Variants in ADCY2 observed in about 807,000 individuals in gnomAD.
ADCY2 encodes the protein adenylate cyclase type 2.
ADCY2 carries 31 observed loss-of-function variants against 125.2 expected under a neutral mutation model. That is an observed-to-expected ratio of 0.25 (90% CI 0.19 to 0.33). ADCY2 has a LOEUF of 0.33. ADCY2 is among the 10% of genes least tolerant of loss of function. ADCY2 has a pLI of 1.00. For missense variants in ADCY2, 904 were observed against 1,418.2 expected (o/e 0.64, Z 5.82); for synonymous variants, 512 against 548.4 (o/e 0.93, Z 0.93).
chr5:7,415,151 C>G (rs1739889870), intron 2 of ADCY2, among the ~76,000 whole-genome samples: 1 of 152,168 alleles, frequency 6.6e-6, no homozygotes, highest in Non-Finnish European at 1.5e-5. Context: ...AAAATCTACT[C>G]TTTAAGCAAT....
chr5:7,446,897 C>A (rs1402901284), intron 2 of ADCY2, among the ~76,000 whole-genome samples: 1 of 152,178 alleles, frequency 6.6e-6, no homozygotes, highest in Non-Finnish European at 1.5e-5. Flanking sequence ...TGTTCTTCTA[C>A]AATACCTCTT....
intron 4 of ADCY2, among the ~76,000 whole-genome samples, chr5:7,688,867 C>T (rs542216705): frequency 2.0e-5 from 3 of 152,256 alleles, no homozygotes; most frequent in Admixed American, 1.3e-4. Flanking sequence ...GGGCACATCA[C>T]GAGTTTGATT....
rs117212202 is a variant in ADCY2, at chr5:7,647,236, T to A, written c.720+20920T>A. 5.3e-5 allele frequency among the ~76,000 whole-genome samples: 8 copies of A among 152,328 alleles called. No homozygotes were observed. In the East Asian group the frequency reaches 1.5e-3, roughly 29 times the overall value. The stretch of plus-strand genomic sequence containing the variant: ...TTGGGGTTTTGTTCTGTTTGGTTGA[T>A]TTTTAACACTCTGTGCCTCAGTTTT... On this transcript the variant is annotated intron_variant, in intron 4 of 24. Transcript: ENST00000338316.
intron 4 of ADCY2, among the ~76,000 whole-genome samples, chr5:7,636,559 A>G (rs1738511117): frequency 6.6e-6 from 1 of 152,202 alleles, no homozygotes; most frequent in South Asian, 2.1e-4. Flanking sequence ...AACTGCAAGG[A>G]GGTAGGGGGG....
chr5:7,598,814 A>G (rs1737100242), intron 3 of ADCY2, among the ~76,000 whole-genome samples: 4 of 152,198 alleles, frequency 2.6e-5, no homozygotes, highest in Admixed American at 2.6e-4. Context: ...GTGATTGTGG[A>G]CACCTGCATT....
chr5:7,616,795 G>A (rs2126649176), intron 3 of ADCY2, among the ~76,000 whole-genome samples: 1 of 152,298 alleles, frequency 6.6e-6, no homozygotes, highest in Non-Finnish European at 1.5e-5. Context: ...ACCTCAGAAT[G>A]TGACTGTATT....
chr5:7,615,501 G>T (rs780669688), intron 3 of ADCY2, among the ~76,000 whole-genome samples: 4 of 152,188 alleles, frequency 2.6e-5, no homozygotes, highest in African/African-American at 4.8e-5. Context: ...CAGAAAGGAA[G>T]TATCTGCTAC....
intron 3 of ADCY2, among the ~76,000 whole-genome samples, chr5:7,539,014 T>A (rs1734911259): frequency 6.6e-6 from 1 of 151,740 alleles, no homozygotes; most frequent in South Asian, 2.1e-4. Context: ...CAGGCACATG[T>A]CACCACACCC....
chr5:7,419,124 T>C (rs1013626753), intron 2 of ADCY2, among the ~76,000 whole-genome samples: 1 of 152,150 alleles, frequency 6.6e-6, no homozygotes, highest in African/African-American at 2.4e-5. Flanking sequence ...ATTAACAACA[T>C]AGTTGTAAAG....
chr5:7,560,221 G>T (rs1735665745), intron 3 of ADCY2, among the ~76,000 whole-genome samples: 1 of 152,198 alleles, frequency 6.6e-6, no homozygotes, highest in South Asian at 2.1e-4. Context: ...TTTATGATGA[G>T]ATCCACATAA....
chr5:7,570,636 AAT>A (rs528838768), intron 3 of ADCY2, among the ~76,000 whole-genome samples: 19,418 of 143,536 alleles, frequency 0.14, 1,422 homozygotes, highest in Non-Finnish European at 0.2. Flanking sequence ...AAAAAAAAAA[AAT>A]GCTTGTGTTT....
chr5:7,545,030 G>T (rs6869624), intron 3 of ADCY2, among the ~76,000 whole-genome samples: 5,032 of 152,284 alleles, frequency 0.033, 279 homozygotes, highest in African/African-American at 0.12. Context: ...GCAGAGACCA[G>T]CGAGAGAGCG....
At chr5:7,457,565 C>G (rs944601730) in intron 2 of ADCY2, among the ~76,000 whole-genome samples, 2 of 152,146 alleles carry the variant, frequency 1.3e-5, no homozygotes, top group African/African-American at 2.4e-5. Flanking sequence ...CAGCATCAAG[C>G]GGTGGTGGGA....
At chr5:7,543,303 GAATCTAATTAATATTTT>G (rs1735049713) in intron 3 of ADCY2, among the ~76,000 whole-genome samples, 1 of 151,920 alleles carries the variant, frequency 6.6e-6, no homozygotes, top group Non-Finnish European at 1.5e-5. Context: ...TACAGTATCT[GAATCTAATTAATATTTT>G]AATCTAATTA....
intron 4 of ADCY2, among the ~76,000 whole-genome samples, chr5:7,655,533 C>G (rs535902310): frequency 3.3e-4 from 51 of 152,328 alleles, no homozygotes; most frequent in African/African-American, 1.1e-3. Flanking sequence ...CTAATTCCTC[C>G]TTCCTCCACC....
At chr5:7,468,046 C>T (rs958184180) in intron 2 of ADCY2, among the ~76,000 whole-genome samples, 4 of 152,090 alleles carry the variant, frequency 2.6e-5, no homozygotes, top group African/African-American at 9.7e-5. Context: ...AATATCCATG[C>T]GTGATCTGTG....
chr5:7,669,625 T>G (rs1451585426), intron 4 of ADCY2, among the ~76,000 whole-genome samples: 4 of 152,154 alleles, frequency 2.6e-5, no homozygotes, highest in Non-Finnish European at 5.9e-5. Flanking sequence ...GTCAGCGCAT[T>G]TCATGTAAAA....
chr5:7,520,686 T>C (rs992652914), intron 2 of ADCY2, 52 bp from the exon 3 acceptor site: 12 of 1,603,566 alleles, frequency 7.5e-6, no homozygotes, highest in Non-Finnish European at 1.0e-5. Context: ...CAGGAGGCTC[T>C]TAGAAACCAG....
intron 3 of ADCY2, among the ~76,000 whole-genome samples, chr5:7,575,687 A>T (rs1736224244): frequency 1.3e-5 from 2 of 152,162 alleles, no homozygotes; most frequent in African/African-American, 4.8e-5. Context: ...GCTTTTGGAA[A>T]ACTGCAAACC....
Sources: allele counts gnomAD v4.1 joint callset (sites outside exome capture counted in the v4.1 genomes callset), GRCh38; gene constraint gnomAD v4.1.1; transcripts MANE v1.5; gene names NCBI Gene and HGNC (gene_info 2026-07-23, HGNC 2026-07-21).